The following PCDH7 variants were observed in gnomAD, a reference collection of about 807,000 sequenced individuals.
PCDH7 encodes protocadherin-7.
In PCDH7, 17 loss-of-function variants were observed where a neutral mutation model predicts 58.9. The ratio of observed to expected loss-of-function variants is 0.29; its 90% confidence interval spans 0.20 to 0.43. The LOEUF (loss-of-function observed/expected upper bound fraction) is 0.43. PCDH7 is among the 20% of genes least tolerant of loss of function. The pLI is 1.00. For missense variants in PCDH7, 1,274 were observed against 1,441.0 expected (o/e 0.88, Z 1.88); for synonymous variants, 664 against 616.4 (o/e 1.08, Z -1.14).
intron 3 of PCDH7, among the ~76,000 whole-genome samples, chr4:31,133,760 T>C (rs1719263143): frequency 6.6e-6 from 1 of 152,134 alleles, no homozygotes; most frequent in African/African-American, 2.4e-5. Context: ...CATGTTTGAG[T>C]TGATTCAGCA....
chr4:30,783,386 A>G (rs1723027865), intron 1 of PCDH7, among the ~76,000 whole-genome samples: 1 of 152,064 alleles, frequency 6.6e-6, no homozygotes, highest in Non-Finnish European at 1.5e-5. Context: ...CATACTTTTT[A>G]TTTTTCCCTA....
chr4:31,092,002 A>G (rs537888433), intron 3 of PCDH7, among the ~76,000 whole-genome samples: 1 of 152,036 alleles, frequency 6.6e-6, no homozygotes, highest in South Asian at 2.1e-4. Flanking sequence ...TTCTTGTCTG[A>G]TGGAGTAGCT....
chr4:31,135,865 A>T (rs1719540210), intron 3 of PCDH7, among the ~76,000 whole-genome samples: 1 of 152,192 alleles, frequency 6.6e-6, no homozygotes, highest in Non-Finnish European at 1.5e-5. Flanking sequence ...TTCCTAAGAT[A>T]TTTTGAAGAC....
chr4:30,951,513 G>C (rs1747367467), intron 3 of PCDH7, among the ~76,000 whole-genome samples: 1 of 152,112 alleles, frequency 6.6e-6, no homozygotes, highest in Non-Finnish European at 1.5e-5. Flanking sequence ...CTTTCCCAGA[G>C]GGTGCAATCT....
rs184326692 is a variant in PCDH7, at chr4:30,739,232, A to C, written c.70+14636A>C. Among the ~76,000 whole-genome samples, 607 of 147,374 alleles carry C rather than the reference A, an allele frequency of 4.1e-3. 4 individuals carry two copies. The highest frequency in any genetic ancestry group is 0.014 in the African/African-American group (563 of 40,340). On this transcript the variant is annotated intron_variant, in intron 1 of 3. Coordinates refer to the PCDH7 transcript ENST00000509759. ...TGTGAGGGTAATACAGGATAAACTC[A>C]TCAAAGTCCAGAAGGGGAAATTCCT...
At chr4:31,109,582 GTTTA>G (rs1716028688) in intron 3 of PCDH7, among the ~76,000 whole-genome samples, 1 of 152,168 alleles carries the variant, frequency 6.6e-6, no homozygotes, top group Non-Finnish European at 1.5e-5. Flanking sequence ...GTTTGAATGT[GTTTA>G]TTTATTTTAT....
At chr4:30,973,385 A>G (rs1291103888) in intron 3 of PCDH7, among the ~76,000 whole-genome samples, 3 of 152,174 alleles carry the variant, frequency 2.0e-5, no homozygotes, top group Non-Finnish European at 4.4e-5. Context: ...TTAGAATCAA[A>G]TCATAGCACC....
At chr4:30,806,490 A>G (rs1324640262) in intron 1 of PCDH7, among the ~76,000 whole-genome samples, 3 of 151,652 alleles carry the variant, frequency 2.0e-5, no homozygotes, top group Non-Finnish European at 4.4e-5. Flanking sequence ...TTTTTTAGTA[A>G]AGAAGGGGTT....
chr4:30,724,653 C>A, intron 1 of PCDH7, 57 bp downstream of exon 1: 1 of 1,554,542 alleles, frequency 6.4e-7, no homozygotes, highest in South Asian at 1.2e-5. Context: ...AACTCTGAGA[C>A]AGATTATCTT....
intron 3 of PCDH7, among the ~76,000 whole-genome samples, chr4:31,076,570 A>G (rs1214678116): frequency 2.6e-5 from 4 of 152,188 alleles, no homozygotes; most frequent in African/African-American, 4.8e-5. Context: ...TAAAGTTTCC[A>G]TACAGTTTAT....
At chr4:31,089,890 G>A (rs978420728) in intron 3 of PCDH7, among the ~76,000 whole-genome samples, 13 of 152,174 alleles carry the variant, frequency 8.5e-5, no homozygotes, top group South Asian at 4.1e-4. Flanking sequence ...AAACATTTCC[G>A]TCGAGTACAT....
chr4:30,860,131 C>G (rs1432379307), intron 1 of PCDH7, among the ~76,000 whole-genome samples: 1 of 152,118 alleles, frequency 6.6e-6, no homozygotes, highest in Non-Finnish European at 1.5e-5. Context: ...GGGTGGCTCT[C>G]ATTATTCCCA....
At chr4:31,034,569 A>C (rs2109192768) in intron 3 of PCDH7, among the ~76,000 whole-genome samples, 1 of 152,352 alleles carries the variant, frequency 6.6e-6, no homozygotes. Flanking sequence ...GATAAACATC[A>C]GAATTTAGAA....
chr4:30,836,845 T>C (rs1335543609), intron 1 of PCDH7, among the ~76,000 whole-genome samples: 3 of 152,162 alleles, frequency 2.0e-5, no homozygotes, highest in Non-Finnish European at 2.9e-5. Context: ...TCTTGTGACC[T>C]GGAATGACTG....
intron 3 of PCDH7, among the ~76,000 whole-genome samples, chr4:31,090,207 A>T (rs1261223235): frequency 2.0e-5 from 3 of 152,052 alleles, no homozygotes; most frequent in African/African-American, 7.2e-5. Flanking sequence ...GTGTGCAAGC[A>T]TTAAATGTAT....
At chr4:31,045,854 G>A (rs1043919440) in intron 3 of PCDH7, among the ~76,000 whole-genome samples, 1 of 151,986 alleles carries the variant, frequency 6.6e-6, no homozygotes, top group African/African-American at 2.4e-5. Context: ...ATACATGAAA[G>A]AATGTCAATT....
chr4:30,888,277 A>AACACAC (rs58655197), intron 1 of PCDH7, among the ~76,000 whole-genome samples: 1 of 151,736 alleles, frequency 6.6e-6, no homozygotes, highest in Admixed American at 6.6e-5. Context: ...AGTCTTATGA[A>AACACAC]ACACACACAC....
At chr4:30,924,253 T>C (rs1033349085) in intron 2 of PCDH7, among the ~76,000 whole-genome samples, 5 of 152,202 alleles carry the variant, frequency 3.3e-5, no homozygotes, top group African/African-American at 1.2e-4. Context: ...AGCTCAGATA[T>C]AGAAAACACC....
At chr4:31,056,430 AAAAG>A (rs1204232926) in intron 3 of PCDH7, among the ~76,000 whole-genome samples, 2 of 98,850 alleles carry the variant, frequency 2.0e-5, no homozygotes, top group East Asian at 6.7e-4. Context: ...GAAGGAAAGA[AAAAG>A]AAAGAAGGAA....
Sources: allele counts gnomAD v4.1 joint callset (sites outside exome capture counted in the v4.1 genomes callset), GRCh38; gene constraint gnomAD v4.1.1; transcripts MANE v1.5; gene names NCBI Gene and HGNC (gene_info 2026-07-23, HGNC 2026-07-21).